Variants in GCSAM observed in about 807,000 individuals in gnomAD.
GCSAM encodes the protein germinal center-associated signaling and motility protein.
Under a neutral mutation model 17.6 loss-of-function variants are expected in GCSAM, and 8 were observed. The observed-to-expected ratio is 0.46, with a 90% CI of 0.27 to 0.82. The LOEUF (loss-of-function observed/expected upper bound fraction) is 0.82. GCSAM is among the 40% of genes least tolerant of loss of function. The pLI, the probability that GCSAM is intolerant of heterozygous loss-of-function variation, is 0.15. For missense variants in GCSAM, 192 were observed against 213.5 expected, an observed-to-expected ratio of 0.90 and a Z score of 0.63; for synonymous variants, 68 against 69.0, an observed-to-expected ratio of 0.98 and a Z score of 0.07.
chr3:112,132,979 C>G, intron 1 of GCSAM, 113 bp downstream of exon 1: 1 of 1,060,482 alleles, frequency 9.4e-7, no homozygotes, highest in Non-Finnish European at 1.4e-6. Context: ...CCTTACCCAA[C>G]TACTTTCTAC....
At chr3:112,124,380 G>T (rs1362523340) in intron 5 of GCSAM, among the ~76,000 whole-genome samples, 1 of 152,120 alleles carries the variant, frequency 6.6e-6, no homozygotes, top group Non-Finnish European at 1.5e-5. Context: ...AGGCCGAAGT[G>T]GGTGGATCAC....
chr3:112,124,160 T>C (rs9866863), intron 5 of GCSAM, among the ~76,000 whole-genome samples: 2,056 of 152,350 alleles, frequency 0.013, 47 homozygotes, highest in African/African-American at 0.046. Context: ...CTCGCAGTTA[T>C]GAGTGTACCG....
intron 1 of GCSAM, among the ~76,000 whole-genome samples, chr3:112,131,158 A>G (rs1054176664): frequency 2.0e-5 from 3 of 152,168 alleles, no homozygotes; most frequent in African/African-American, 7.2e-5. Context: ...AATCCATAAG[A>G]TAGATATTAT....
intron 5 of GCSAM, 26 bp downstream of exon 5, chr3:112,125,200 A>G (rs1227404500): frequency 3.3e-6 from 5 of 1,498,960 alleles, no homozygotes; most frequent in Non-Finnish European, 4.7e-6. Flanking sequence ...TCATCTCAAA[A>G]AATAGCTTAG....
At chr3:112,125,075 C>T (rs954683242) in intron 5 of GCSAM, 151 bp downstream of exon 5, 11 of 664,598 alleles carry the variant, frequency 1.7e-5, no homozygotes, top group African/African-American at 3.6e-5. Context: ...CCCGGCCCTG[C>T]ACCTGCCACC....
At chr3:112,123,886 T>G in intron 5 of GCSAM, 114 bp from the exon 6 acceptor site, 2 of 1,111,378 alleles carry the variant, frequency 1.8e-6, no homozygotes, top group Non-Finnish European at 2.6e-6. Context: ...GACCACCTCC[T>G]CCCCATCTCT....
At chr3:112,128,107 A>G (rs762768282) in intron 2 of GCSAM, 46 bp from the exon 3 acceptor site, 1 of 1,562,266 alleles carries the variant, frequency 6.4e-7, no homozygotes, top group Non-Finnish European at 8.8e-7. Flanking sequence ...TGATTTCTGC[A>G]GCTTTGTTAA....
intron 1 of GCSAM, 120 bp from the exon 2 acceptor site, chr3:112,130,633 G>T (rs902544978): frequency 2.3e-6 from 2 of 873,734 alleles, no homozygotes; most frequent in Non-Finnish European, 3.8e-6. Flanking sequence ...AAATTGACTG[G>T]TTGCCCTCAC....
intron 4 of GCSAM, 139 bp downstream of exon 4, chr3:112,126,848 T>C (rs1036313602): frequency 1.2e-4 from 82 of 679,638 alleles, no homozygotes; most frequent in Non-Finnish European, 1.8e-4. Context: ...ACAAAGGACA[T>C]GCAATTGGAT....
Position 112,133,232 on chromosome 3 carries a change from C to A in GCSAM, c.-112G>T. 1 of 1,128,380 alleles carries A rather than the reference C, an allele frequency of 8.9e-7. No individual in the cohort carries two copies. The highest frequency in any genetic ancestry group is 1.3e-6 in the Non-Finnish European group (1 of 746,534). 69.9% of individuals were successfully genotyped at this position (1,128,380 alleles called of 1,614,324 possible). ...GAAAGGGCTGTGTGGCTCTGGCCAC[C>A]CGTGCAGAGACAGCAGAAAGGAGAA... On this transcript the variant is annotated 5_prime_UTR_variant, in exon 1 of 6. Transcript: ENST00000308910.
chr3:112,127,712 G>A (rs930555873), intron 3 of GCSAM, among the ~76,000 whole-genome samples: 2 of 152,200 alleles, frequency 1.3e-5, no homozygotes, highest in African/African-American at 2.4e-5. Context: ...ATAGAAATGT[G>A]TGCTTCGGAA....
chr3:112,129,098 A>T (rs1019100403), intron 2 of GCSAM: 1 of 152,178 alleles, frequency 6.6e-6, no homozygotes, highest in Non-Finnish European at 1.5e-5. Flanking sequence ...GCACAGCTGC[A>T]GCTCTTCCTC....
At chr3:112,129,529 T>C (rs1173968095) in intron 2 of GCSAM, 2 of 152,184 alleles carry the variant, frequency 1.3e-5, no homozygotes, top group Non-Finnish European at 2.9e-5. Flanking sequence ...TGTCAGGAAT[T>C]TGAGGTATCT....
intron 3 of GCSAM, 32 bp downstream of exon 3, chr3:112,127,985 G>A: frequency 6.3e-7 from 1 of 1,597,192 alleles, no homozygotes; most frequent in Non-Finnish European, 8.6e-7. Flanking sequence ...CACACTTAGG[G>A]AAATAACTCC....
Position 112,122,167 on chromosome 3 carries a change from A to G in GCSAM, c.*1288T>C, listed in dbSNP as rs2074213417. The G allele has an allele frequency of 6.6e-6, 1 of 152,230 alleles. No homozygotes were observed. Among genetic ancestry groups the G allele is most frequent in the African/African-American group, 2.4e-5 (1 of 41,462 alleles). 9.4% of individuals were successfully genotyped at this position (152,230 alleles called of 1,614,324 possible). A position where few individuals can be genotyped will look rare whatever the true frequency, so the allele number is the denominator to read the frequency against. On this transcript the variant is annotated 3_prime_UTR_variant, in exon 6 of 6. Transcript: ENST00000308910. Reference sequence around the variant, plus strand: ...GCTTGCTCTTATGCATCAGTAACCAAACACATTTCTGTTAAGTTTCTCTCA... The same window carrying G: ...GCTTGCTCTTATGCATCAGTAACCAGACACATTTCTGTTAAGTTTCTCTCA...
At chr3:112,126,063 T>C (rs2074310427) in intron 4 of GCSAM, among the ~76,000 whole-genome samples, 1 of 152,172 alleles carries the variant, frequency 6.6e-6, no homozygotes, top group Non-Finnish European at 1.5e-5. Flanking sequence ...CATAAGCTCC[T>C]ATAGGCATCT....
chr3:112,125,962 G>C (rs1385986171), intron 4 of GCSAM, among the ~76,000 whole-genome samples: 1 of 152,104 alleles, frequency 6.6e-6, no homozygotes, highest in African/African-American at 2.4e-5. Context: ...AAACAAACAT[G>C]TGCCCTCACA....
intron 1 of GCSAM, 82 bp downstream of exon 1, chr3:112,133,010 G>T: frequency 7.0e-7 from 1 of 1,424,634 alleles, no homozygotes. Context: ...TGTGCTAACT[G>T]TATACTAGCT....
At chr3:112,125,519 G>A (rs1179023134) in intron 4 of GCSAM, among the ~76,000 whole-genome samples, 1 of 152,110 alleles carries the variant, frequency 6.6e-6, no homozygotes, top group Non-Finnish European at 1.5e-5. Flanking sequence ...TCTTCCTCCA[G>A]CTCTCTTTCC....
Sources: gnomAD v4.1 joint callset for allele counts (sites outside exome capture counted in the v4.1 genomes callset) on GRCh38, gnomAD v4.1.1 for gene constraint, MANE v1.5 for transcripts, NCBI Gene and HGNC (gene_info 2026-07-23, HGNC 2026-07-21) for gene names.